Variants in MLIP observed in about 807,000 individuals in gnomAD.
MLIP encodes the protein muscular LMNA-interacting protein.
In MLIP, 79 loss-of-function variants were observed where a neutral mutation model predicts 84.8. The observed-to-expected ratio is 0.93, with a 90% CI of 0.78 to 1.12. The LOEUF is 1.12. Ranked by LOEUF, MLIP falls within the 50% of genes most tolerant of loss-of-function variation. The pLI, the probability that MLIP is intolerant of heterozygous loss-of-function variation, is 0.00. For missense variants in MLIP, 1,257 were observed against 1,160.6 expected (o/e 1.08, Z -1.21); for synonymous variants, 504 against 463.0 (o/e 1.09, Z -1.14).
intron 12 of MLIP, among the ~76,000 whole-genome samples, chr6:54,255,751 C>T (rs553340773): frequency 4.6e-5 from 7 of 152,226 alleles, no homozygotes; most frequent in Non-Finnish European, 1.5e-5. Flanking sequence ...CTTTTCTAAT[C>T]TCAGTTGAAT....
intron 5 of MLIP, among the ~76,000 whole-genome samples, chr6:54,156,188 T>C (rs1175797954): frequency 1.3e-5 from 2 of 152,064 alleles, no homozygotes; most frequent in Admixed American, 1.3e-4. Flanking sequence ...AAGTGGTGTA[T>C]ATCACAATGA....
At chr6:54,201,988 T>C in intron 10 of MLIP, 117 bp from the exon 11 acceptor site, 1 of 717,234 alleles carries the variant, frequency 1.4e-6, no homozygotes, top group Non-Finnish European at 2.0e-6. Context: ...CATTTTAAAA[T>C]TAAAAAAATA....
intron 1 of MLIP, among the ~76,000 whole-genome samples, chr6:54,117,344 AGCT>A (rs1770020875): frequency 6.7e-6 from 1 of 149,888 alleles, no homozygotes; most frequent in Non-Finnish European, 1.5e-5. Context: ...CCTCCCAAGT[AGCT>A]GGGACTACAG....
chr6:54,070,987 A>C (rs536004578), intron 1 of MLIP, among the ~76,000 whole-genome samples: 35 of 152,288 alleles, frequency 2.3e-4, no homozygotes, highest in African/African-American at 8.2e-4. Flanking sequence ...TATATTTCCC[A>C]TCATGGACCC....
At chr6:54,218,925 C>A (rs919745134) in intron 11 of MLIP, among the ~76,000 whole-genome samples, 2 of 151,754 alleles carry the variant, frequency 1.3e-5, no homozygotes, top group Non-Finnish European at 1.5e-5. Context: ...AAACACAGGC[C>A]AGGTGCAGTG....
At chr6:54,121,989 G>A (rs1392856163) in intron 2 of MLIP, among the ~76,000 whole-genome samples, 1 of 152,144 alleles carries the variant, frequency 6.6e-6, no homozygotes. Context: ...ATTAAAAAAT[G>A]TAATACCTGA....
intron 1 of MLIP, among the ~76,000 whole-genome samples, chr6:54,061,413 A>G (rs1765957804): frequency 6.6e-6 from 1 of 152,194 alleles, no homozygotes; most frequent in Non-Finnish European, 1.5e-5. Context: ...CTTATCAATA[A>G]ATGCAAATAA....
Position 54,215,050 on chromosome 6 carries a change from G to A in MLIP, c.2718+12817G>A, listed in dbSNP as rs980257144. On this transcript the variant is annotated intron_variant, in intron 11 of 13. Transcript: ENST00000502396. ...GATTCTAGTAAGTTCTCAATATTCT[G>A]GACCCTGGTCTCTGCCTTTTTGCTC... 167 of 860,010 alleles carry A rather than the reference G, an allele frequency of 1.9e-4. No homozygotes were observed. In the East Asian group the frequency reaches 4.5e-3, roughly 23 times the overall value. The allele number at this position is 860,010 out of a possible 1,614,324, so 53.3% of individuals were successfully genotyped here. A position where few individuals can be genotyped will look rare whatever the true frequency, so the allele number is the denominator to read the frequency against.
intron 8 of MLIP, among the ~76,000 whole-genome samples, chr6:54,164,070 T>C (rs951538715): frequency 6.6e-6 from 1 of 152,028 alleles, no homozygotes; most frequent in Non-Finnish European, 1.5e-5. Context: ...AATTGCTCTA[T>C]AGTTTTTAAA....
chr6:54,231,930 A>C (rs1192618303), intron 12 of MLIP, among the ~76,000 whole-genome samples: 1 of 152,138 alleles, frequency 6.6e-6, no homozygotes, highest in Non-Finnish European at 1.5e-5. Context: ...TATATAAGGA[A>C]AAATTAGATT....
chr6:54,245,010 A>G (rs575001068), intron 12 of MLIP, among the ~76,000 whole-genome samples: 18 of 152,202 alleles, frequency 1.2e-4, no homozygotes, highest in Non-Finnish European at 2.4e-4. Flanking sequence ...GTAAAATAAC[A>G]TGCTGGCCTT....
rs563017422 is a variant in MLIP at position 54,171,251 on chromosome 6, G to T, written c.2544+1679G>T. ...GTAGGTTAACTTTCATGCCCTTAAT[G>T]TTGTGAGAGCCTTTAAGTCATTCAA... On this transcript the variant is annotated intron_variant, in intron 9 of 13. Coordinates refer to ENST00000502396, the MANE Select transcript of MLIP (RefSeq NM_001281747.2). 1.0e-3 allele frequency among the ~76,000 whole-genome samples: 153 copies of T among 151,662 alleles called. 1 individual carries two copies. Among genetic ancestry groups the T allele is most frequent in the African/African-American group, 3.5e-3 (146 of 41,482 alleles).
intron 13 of MLIP, chr6:54,261,912 A>C (rs1582660603): frequency 4.9e-6 from 1 of 205,934 alleles, no homozygotes; most frequent in Non-Finnish European, 8.5e-6. Context: ...TTAGGCAAGA[A>C]TTTGGAATCT....
chr6:54,119,963 T>C (rs1770291429), intron 1 of MLIP, among the ~76,000 whole-genome samples: 1 of 152,208 alleles, frequency 6.6e-6, no homozygotes. Context: ...GTAACTTATT[T>C]CACCTGCTTC....
intron 9 of MLIP, among the ~76,000 whole-genome samples, chr6:54,173,645 A>T (rs1192321327): frequency 6.6e-6 from 1 of 151,822 alleles, no homozygotes; most frequent in East Asian, 1.9e-4. Flanking sequence ...ATATTTTGAT[A>T]TAGGAATGCA....
chr6:54,114,365 A>G (rs1412593310), intron 1 of MLIP, among the ~76,000 whole-genome samples: 1 of 152,168 alleles, frequency 6.6e-6, no homozygotes, highest in African/African-American at 2.4e-5. Flanking sequence ...ACAAAATTTG[A>G]TCGTTATTCT....
At chr6:54,112,215 C>T (rs944559128) in intron 1 of MLIP, among the ~76,000 whole-genome samples, 1 of 152,138 alleles carries the variant, frequency 6.6e-6, no homozygotes, top group Non-Finnish European at 1.5e-5. Context: ...TTTTTCATCA[C>T]CATAGCAATT....
rs781012865 is a variant in MLIP at position 54,210,687 on chromosome 6, ATG to A, written c.2718+8455_2718+8456del. On this transcript the variant is annotated intron_variant, in intron 11 of 13. Coordinates refer to ENST00000502396, the MANE Select transcript of MLIP (RefSeq NM_001281747.2). ...CAGACTTCAAACTCTAGCCCTGACT[ATG>A]ATGCCCCTGTGTGCATTTACAATAA... 4.0e-3 allele frequency among the ~76,000 whole-genome samples: 570 copies of A among 143,752 alleles called. 1 individual carries two copies. Among genetic ancestry groups the A allele is most frequent in the Non-Finnish European group, 6.2e-3 (407 of 66,084 alleles). 94.3% of individuals were successfully genotyped at this position (143,752 alleles called of 152,430 possible).
At chr6:54,173,211 C>G (rs1402689601) in intron 9 of MLIP, among the ~76,000 whole-genome samples, 1 of 151,636 alleles carries the variant, frequency 6.6e-6, no homozygotes, top group Non-Finnish European at 1.5e-5. Flanking sequence ...AATCACAGAG[C>G]AGGCAAAACC....
Sources: allele counts gnomAD v4.1 joint callset (sites outside exome capture counted in the v4.1 genomes callset), GRCh38; gene constraint gnomAD v4.1.1; transcripts MANE v1.5; gene names NCBI Gene and HGNC (gene_info 2026-07-23, HGNC 2026-07-21).